KBTBD2: variants seen among roughly 807,000 people sequenced by gnomAD.
The protein encoded by KBTBD2 is kelch repeat and BTB domain-containing protein 2.
KBTBD2 carries 17 observed loss-of-function variants against 57.1 expected under a neutral mutation model. That is an observed-to-expected ratio of 0.30 (90% CI 0.20 to 0.45). The LOEUF (loss-of-function observed/expected upper bound fraction) is 0.45. Ranked by LOEUF, KBTBD2 falls within the 20% of genes least tolerant of loss-of-function variation. The pLI, the probability that KBTBD2 is intolerant of heterozygous loss-of-function variation, is 1.00. For synonymous variants in KBTBD2, 267 were observed against 262.7 expected (o/e 1.02, Z -0.16); for missense variants, 515 against 750.6 (o/e 0.69, Z 3.67).
In KBTBD2 at chr7:32,879,857, A is replaced by G. The variant is rs1476915880; in HGVS notation, c.-253T>C. Reference sequence around the variant, plus strand: ...CTGCAGACATTGTGCTCAAATCTGCAATTGTGCAGCTCATGAGTGAAAGAG... The same window carrying G: ...CTGCAGACATTGTGCTCAAATCTGCGATTGTGCAGCTCATGAGTGAAAGAG... On this transcript the variant is annotated 5_prime_UTR_variant, in exon 2 of 4. Coordinates refer to ENST00000304056, the MANE Select transcript of KBTBD2 (RefSeq NM_015483.3). 2.5e-6 allele frequency: 1 copy of G among 395,926 alleles called. No homozygotes were observed. The highest frequency in any genetic ancestry group is 5.0e-5 in the East Asian group (1 of 20,054). 24.5% of individuals were successfully genotyped at this position (395,926 alleles called of 1,614,324 possible).
Position 32,869,198 on chromosome 7 carries a change from G to T in KBTBD2, c.*147C>A. The T allele has an allele frequency of 1.7e-6, 1 of 595,074 alleles. No homozygotes were observed. The highest frequency in any genetic ancestry group is 1.9e-5 in the African/African-American group (1 of 53,992). The allele number at this position is 595,074 out of a possible 1,614,324, so 36.9% of individuals were successfully genotyped here. On this transcript the variant is annotated 3_prime_UTR_variant, in exon 4 of 4. Transcript: ENST00000304056. ...AAGACTCACTGATATATATTATACT[G>T]ATGCAAATATTAAGTAGGGCATAAA... is the stretch of plus-strand genomic sequence containing the variant.
chr7:32,881,264 AC>A (rs1247709688), intron 1 of KBTBD2, among the ~76,000 whole-genome samples: 1 of 152,074 alleles, frequency 6.6e-6, no homozygotes, highest in Admixed American at 6.6e-5. Context: ...AAAAAAAAAA[AC>A]CAAAATTCCA....
At chr7:32,889,277 C>G (rs1784667016) in intron 1 of KBTBD2, among the ~76,000 whole-genome samples, 1 of 149,610 alleles carries the variant, frequency 6.7e-6, no homozygotes, top group Non-Finnish European at 1.5e-5. Flanking sequence ...GGCGACACAG[C>G]GAGACTCCGT....
intron 3 of KBTBD2, chr7:32,874,485 C>T (rs1464641486): frequency 6.6e-6 from 1 of 152,038 alleles, no homozygotes; most frequent in African/African-American, 2.4e-5. Flanking sequence ...TTAGTCATCC[C>T]AGCTACTCAG....
intron 1 of KBTBD2, among the ~76,000 whole-genome samples, chr7:32,885,368 C>T (rs970015430): frequency 1.3e-5 from 2 of 151,486 alleles, no homozygotes; most frequent in African/African-American, 4.9e-5. Flanking sequence ...CCAAAATATT[C>T]TAACATCTTT....
chr7:32,872,844 A>T lies in KBTBD2; in HGVS notation c.337-1964T>A, dbSNP rs191469011. ...TAACATATAATGCAAATATCCTAAA[A>T]TCTGAAAAAATCTGAAACTGGCTGA... On this transcript the variant is annotated intron_variant, in intron 3 of 3. Transcript: ENST00000304056. Among the ~76,000 whole-genome samples the T allele has an allele frequency of 2.4e-4, 36 of 152,298 alleles. 1 individual carries two copies. In the East Asian group the frequency reaches 4.8e-3, roughly 20 times the overall value.
chr7:32,876,084 A>G (rs1240735975), intron 2 of KBTBD2, among the ~76,000 whole-genome samples: 1 of 152,234 alleles, frequency 6.6e-6, no homozygotes, highest in African/African-American at 2.4e-5. Flanking sequence ...CTCTAAAAAT[A>G]TGCAGGACAC....
chr7:32,889,875 G>A (rs575768922), intron 1 of KBTBD2, among the ~76,000 whole-genome samples: 1 of 152,278 alleles, frequency 6.6e-6, no homozygotes, highest in African/African-American at 2.4e-5. Flanking sequence ...CTGCATTCAA[G>A]TTTCTAGGAA....
intron 1 of KBTBD2, among the ~76,000 whole-genome samples, chr7:32,884,960 ATG>A (rs948215016): frequency 5.9e-5 from 8 of 135,220 alleles, no homozygotes; most frequent in Admixed American, 3.2e-4. Flanking sequence ...TTATATATAT[ATG>A]TGTGTATGTG....
intron 1 of KBTBD2, among the ~76,000 whole-genome samples, chr7:32,884,493 C>A (rs1241020005): frequency 6.6e-6 from 1 of 151,442 alleles, no homozygotes; most frequent in Non-Finnish European, 1.5e-5. Flanking sequence ...AGATTGAGAC[C>A]ATCCTGGCCA....
Position 32,879,686 on chromosome 7 carries a change from T to A in KBTBD2, c.-82A>T, listed in dbSNP as rs1784401576. On this transcript the variant is annotated 5_prime_UTR_variant, in exon 2 of 4. Coordinates refer to ENST00000304056, the MANE Select transcript of KBTBD2 (RefSeq NM_015483.3). ...GAAGGTCAAGTGAATACTTCAGAAATAAAGGAGAACCTACTTGCTGTTATC... is the reference window on the plus strand; with the variant it reads ...GAAGGTCAAGTGAATACTTCAGAAAAAAAGGAGAACCTACTTGCTGTTATC... The A allele has an allele frequency of 1.8e-6, 2 of 1,139,820 alleles. No homozygotes were observed. The highest frequency in any genetic ancestry group is 3.1e-5 in the African/African-American group (2 of 64,602). The allele number at this position is 1,139,820 out of a possible 1,614,324, so 70.6% of individuals were successfully genotyped here.
intron 1 of KBTBD2, among the ~76,000 whole-genome samples, 197 bp downstream of exon 1, chr7:32,891,339 G>C (rs1273170614): frequency 1.4e-5 from 2 of 147,758 alleles, no homozygotes; most frequent in Admixed American, 1.3e-4. Flanking sequence ...GCGGGGTGCG[G>C]AGGGCGGCGC....
intron 1 of KBTBD2, chr7:32,891,230 G>C (rs945668612): frequency 1.9e-4 from 28 of 150,188 alleles, no homozygotes; most frequent in Non-Finnish European, 3.3e-4. Context: ...CGCGGGCGCC[G>C]AGGCGCCCGG....
At position 32,868,771 on chromosome 7, in the gene KBTBD2, C is replaced by G. The variant is rs1248861941; in HGVS notation, c.*574G>C. On this transcript the variant is annotated 3_prime_UTR_variant, in exon 4 of 4. Coordinates refer to ENST00000304056, the MANE Select transcript of KBTBD2 (RefSeq NM_015483.3). ...AGTTAGTGAAAAGAGAATACATGCA[C>G]CTAATAGTATAGTTAGACTGATCCT... The G allele has an allele frequency of 6.5e-6, 1 of 152,718 alleles. No homozygotes were observed. Among genetic ancestry groups the G allele is most frequent in the African/African-American group, 2.4e-5 (1 of 41,430 alleles). 9.5% of individuals were successfully genotyped at this position (152,718 alleles called of 1,614,324 possible). A position where few individuals can be genotyped will look rare whatever the true frequency, so the allele number is the denominator to read the frequency against.
intron 1 of KBTBD2, among the ~76,000 whole-genome samples, chr7:32,884,976 G>GTA (rs529084573): frequency 6.8e-4 from 89 of 130,102 alleles, no homozygotes; most frequent in African/African-American, 1.6e-3. Flanking sequence ...GTATGTGTGT[G>GTA]TATATATATA....
intron 1 of KBTBD2, among the ~76,000 whole-genome samples, chr7:32,884,743 A>AT (rs1372422356): frequency 6.6e-6 from 1 of 151,672 alleles, no homozygotes; most frequent in Non-Finnish European, 1.5e-5. Flanking sequence ...AAGGTACACT[A>AT]TTCTCTCTTC....
In KBTBD2 at chr7:32,870,021, A is replaced by G; in HGVS notation, c.1196T>C (p.Val399Ala). ...SVGGELNRRT[V>A]ERYDTEKDEW... The stretch of plus-strand genomic sequence containing the variant: ...ATCTTTCTCAGTGTCGTATCTTTCT[A>G]CGGTCCTCCGATTAAGTTCTCCACC... Residue 399 changes from valine to alanine, a missense_variant, in exon 4 of 4, where the codon GTA becomes GCA. Coordinates refer to ENST00000304056, the MANE Select transcript of KBTBD2 (RefSeq NM_015483.3). The G allele has an allele frequency of 6.2e-7, 1 of 1,614,160 alleles. No homozygotes were observed. Among genetic ancestry groups the G allele is most frequent in the Non-Finnish European group, 8.5e-7 (1 of 1,180,030 alleles).
At chr7:32,880,387 C>T (rs540048624) in intron 1 of KBTBD2, among the ~76,000 whole-genome samples, 5 of 152,146 alleles carry the variant, frequency 3.3e-5, no homozygotes, top group African/African-American at 7.2e-5. Flanking sequence ...ATTTTAAACA[C>T]GTTCACAAAG....
intron 1 of KBTBD2, among the ~76,000 whole-genome samples, chr7:32,883,962 C>G (rs2127955328): frequency 6.6e-6 from 1 of 152,286 alleles, no homozygotes; most frequent in East Asian, 1.9e-4. Context: ...GTGAAGCAAG[C>G]TGGGTATATG....
Sources: allele counts gnomAD v4.1 joint callset (sites outside exome capture counted in the v4.1 genomes callset), GRCh38; gene constraint gnomAD v4.1.1; transcripts MANE v1.5; gene names NCBI Gene and HGNC (gene_info 2026-07-23, HGNC 2026-07-21).